ANO3: variants seen among roughly 807,000 people sequenced by gnomAD.
ANO3 encodes anoctamin 3.
ANO3 carries 99 observed loss-of-function variants against 144.8 expected under a neutral mutation model. That is an observed-to-expected ratio of 0.68 (90% CI 0.58 to 0.81). The LOEUF (loss-of-function observed/expected upper bound fraction) is 0.81. Ranked by LOEUF, ANO3 falls within the 30% of genes least tolerant of loss-of-function variation. The pLI is 0.00. For missense variants in ANO3, 905 were observed against 1,202.2 expected, an observed-to-expected ratio of 0.75 and a Z score of 3.66; for synonymous variants, 414 against 392.6, an observed-to-expected ratio of 1.05 and a Z score of -0.64.
chr11:26,355,378 T>A (rs1323031645), intron 1 of ANO3, among the ~76,000 whole-genome samples: 1 of 152,170 alleles, frequency 6.6e-6, no homozygotes, highest in Non-Finnish European at 1.5e-5. Context: ...TGCTGCTGAC[T>A]TCCAGCAGAA....
chr11:26,653,350 T>C (rs1853589904), intron 24 of ANO3, among the ~76,000 whole-genome samples: 1 of 152,136 alleles, frequency 6.6e-6, no homozygotes, highest in South Asian at 2.1e-4. Context: ...TTGAATACTT[T>C]TTTTTTCCAC....
At chr11:26,293,185 C>T (rs1211490182) in intron 1 of ANO3, among the ~76,000 whole-genome samples, 1 of 151,908 alleles carries the variant, frequency 6.6e-6, no homozygotes, top group Non-Finnish European at 1.5e-5. Flanking sequence ...TTGGCACAGG[C>T]CATCGATGAA....
At chr11:26,659,315 C>A (rs866849811) in intron 26 of ANO3, among the ~76,000 whole-genome samples, 2 of 151,802 alleles carry the variant, frequency 1.3e-5, no homozygotes, top group Non-Finnish European at 1.5e-5. Flanking sequence ...CCTCATTCAA[C>A]ATGTATACTT....
At chr11:26,528,803 C>CA (rs2134173746) in intron 7 of ANO3, among the ~76,000 whole-genome samples, 1 of 151,958 alleles carries the variant, frequency 6.6e-6, no homozygotes, top group South Asian at 2.1e-4. Context: ...AATTTCTGTG[C>CA]AGTCTATTCA....
intron 1 of ANO3, among the ~76,000 whole-genome samples, chr11:26,289,206 G>T (rs1261050928): frequency 1.3e-5 from 2 of 151,858 alleles, no homozygotes; most frequent in Non-Finnish European, 2.9e-5. Context: ...AAAAGTAGCA[G>T]GAAACAGATA....
At chr11:26,519,616 C>T (rs1861989737) in intron 6 of ANO3, among the ~76,000 whole-genome samples, 1 of 152,108 alleles carries the variant, frequency 6.6e-6, no homozygotes, top group Non-Finnish European at 1.5e-5. Flanking sequence ...GTTGTATCCT[C>T]ACATGGTAGA....
At chr11:26,396,599 G>A (rs1857019315) in intron 1 of ANO3, among the ~76,000 whole-genome samples, 1 of 102,960 alleles carries the variant, frequency 9.7e-6, no homozygotes, top group Non-Finnish European at 2.0e-5. Context: ...ACACACCAAG[G>A]AATACTATGC....
intron 1 of ANO3, among the ~76,000 whole-genome samples, chr11:26,230,399 T>A (rs1046702210): frequency 6.6e-6 from 1 of 152,182 alleles, no homozygotes; most frequent in Non-Finnish European, 1.5e-5. Flanking sequence ...TAGAGGGACA[T>A]AAGGCAATTT....
chr11:26,392,217 G>A (rs1171638866), intron 1 of ANO3, among the ~76,000 whole-genome samples: 8 of 145,242 alleles, frequency 5.5e-5, no homozygotes, highest in Non-Finnish European at 1.0e-4. Flanking sequence ...CTTTGTCTGT[G>A]TCGTACATGG....
At chr11:26,516,639 C>A (rs779298359) in intron 5 of ANO3, among the ~76,000 whole-genome samples, 188 bp from the exon 6 acceptor site, 1 of 151,862 alleles carries the variant, frequency 6.6e-6, no homozygotes, top group Non-Finnish European at 1.5e-5. Context: ...TACACGATGT[C>A]ATTATTACAT....
rs570500536 is a variant in ANO3 at position 26,618,384 on chromosome 11, A to G, written c.1837-6078A>G. On this transcript the variant is annotated intron_variant, in intron 17 of 26. Coordinates refer to ENST00000256737, the MANE Select transcript of ANO3 (RefSeq NM_031418.4). ...TTTTATTATCCATTTTTTGCTCACC[A>G]TCCTTGCTTCTCCTTCCTTAGTTCA... Among the ~76,000 whole-genome samples the G allele has an allele frequency of 2.0e-5, 3 of 152,162 alleles. No homozygotes were observed. In the East Asian group the frequency reaches 5.8e-4, roughly 29 times the overall value.
At chr11:26,634,644 GCCATATGCTTAACACT>G (rs1288519186) in intron 19 of ANO3, among the ~76,000 whole-genome samples, 24 of 152,162 alleles carry the variant, frequency 1.6e-4, no homozygotes, top group Admixed American at 1.6e-3. Flanking sequence ...ATTCTGCTTT[GCCATATGCTTAACACT>G]CCATCCAATG....
At chr11:26,494,554 G>C (rs1157163291) in intron 4 of ANO3, among the ~76,000 whole-genome samples, 1 of 152,124 alleles carries the variant, frequency 6.6e-6, no homozygotes, top group African/African-American at 2.4e-5. Context: ...ACTTACCTTA[G>C]AGGAAATGCT....
intron 1 of ANO3, among the ~76,000 whole-genome samples, chr11:26,405,285 T>C (rs565440362): frequency 6.6e-6 from 1 of 151,820 alleles, no homozygotes; most frequent in Non-Finnish European, 1.5e-5. Context: ...TCAGTCACCT[T>C]TGGATATCAT....
intron 4 of ANO3, among the ~76,000 whole-genome samples, chr11:26,487,655 G>A (rs1265662629): frequency 2.0e-5 from 3 of 152,122 alleles, no homozygotes; most frequent in African/African-American, 7.2e-5. Context: ...TGAGCAATAA[G>A]GTCCAGGCTG....
chr11:26,304,273 G>C (rs899761261), intron 1 of ANO3, among the ~76,000 whole-genome samples: 3 of 151,898 alleles, frequency 2.0e-5, no homozygotes, highest in Admixed American at 6.6e-5. Flanking sequence ...ATAGTATGTT[G>C]AGTACCTATA....
intron 1 of ANO3, among the ~76,000 whole-genome samples, chr11:26,425,482 T>C (rs914125199): frequency 6.6e-6 from 1 of 152,070 alleles, no homozygotes; most frequent in South Asian, 2.1e-4. Flanking sequence ...GGTAAAACAA[T>C]TGAAACAAAC....
chr11:26,359,423 T>C (rs781744565), intron 1 of ANO3, among the ~76,000 whole-genome samples: 3 of 152,202 alleles, frequency 2.0e-5, no homozygotes, highest in Non-Finnish European at 4.4e-5. Flanking sequence ...CTCTAATTTT[T>C]TGGTGGATGG....
chr11:26,512,798 G>A (rs191727123), intron 5 of ANO3, among the ~76,000 whole-genome samples: 3 of 152,236 alleles, frequency 2.0e-5, no homozygotes, highest in Admixed American at 1.3e-4. Flanking sequence ...TAGGCAAGCT[G>A]TTCATGATGC....
Sources: allele counts gnomAD v4.1 joint callset (sites outside exome capture counted in the v4.1 genomes callset), GRCh38; gene constraint gnomAD v4.1.1; transcripts MANE v1.5; gene names NCBI Gene and HGNC (gene_info 2026-07-23, HGNC 2026-07-21).